CLYBL: variants seen among roughly 807,000 people sequenced by gnomAD.
CLYBL encodes citramalyl-CoA lyase, also known as citramalyl-CoA lyase, mitochondrial.
A neutral mutation model predicts 38.9 loss-of-function variants in CLYBL; 31 were observed. The observed-to-expected ratio is 0.80, with a 90% CI of 0.60 to 1.08. The LOEUF is 1.08. Among genes scored for constraint, CLYBL ranks in the 50% least tolerant of loss-of-function variants. The pLI is 0.00. For synonymous variants in CLYBL, 171 were observed against 158.6 expected, an observed-to-expected ratio of 1.08 and a Z score of -0.59; for missense variants, 434 against 411.6, an observed-to-expected ratio of 1.05 and a Z score of -0.47.
chr13:99,866,935 G>A (rs1051155322), intron 6 of CLYBL, among the ~76,000 whole-genome samples: 2 of 152,002 alleles, frequency 1.3e-5, no homozygotes, highest in African/African-American at 2.4e-5. Context: ...TGTACCTGGC[G>A]ACACCTACGG....
intron 1 of CLYBL, among the ~76,000 whole-genome samples, chr13:99,660,752 A>G (rs1398362770): frequency 6.6e-6 from 1 of 152,188 alleles, no homozygotes; most frequent in Non-Finnish European, 1.5e-5. Context: ...TCATGGTTTT[A>G]AAATTTTCCT....
At chr13:99,628,740 GAATCACA>G (rs1327537648) in intron 1 of CLYBL, among the ~76,000 whole-genome samples, 1 of 152,204 alleles carries the variant, frequency 6.6e-6, no homozygotes, top group Non-Finnish European at 1.5e-5. Flanking sequence ...TAGGTTATCA[GAATCACA>G]AATGGGCCTT....
intron 1 of CLYBL, among the ~76,000 whole-genome samples, chr13:99,732,177 T>G (rs1454509478): frequency 6.8e-6 from 1 of 147,866 alleles, no homozygotes; most frequent in Non-Finnish European, 1.5e-5. Context: ...CAGTTTTTTT[T>G]TTTTTTTTTT....
At chr13:99,851,538 A>C (rs1417247785) in intron 2 of CLYBL, among the ~76,000 whole-genome samples, 1 of 152,108 alleles carries the variant, frequency 6.6e-6, no homozygotes, top group Non-Finnish European at 1.5e-5. Context: ...TAGACAGTTC[A>C]CCAAAGTAGA....
At chr13:99,758,659 C>A (rs77489722) in intron 1 of CLYBL, among the ~76,000 whole-genome samples, 2,996 of 152,296 alleles carry the variant, frequency 0.02, 58 homozygotes, top group South Asian at 0.068. Flanking sequence ...ACGGTGACTG[C>A]CGTGACTGGG....
chr13:99,681,349 T>C (rs1202994382), intron 1 of CLYBL, among the ~76,000 whole-genome samples: 2 of 152,288 alleles, frequency 1.3e-5, no homozygotes, highest in Admixed American at 1.3e-4. Context: ...GCACAATGAA[T>C]ATAACTTACA....
At chr13:99,620,239 A>G (rs911731188) in intron 1 of CLYBL, among the ~76,000 whole-genome samples, 1 of 152,240 alleles carries the variant, frequency 6.6e-6, no homozygotes, top group Non-Finnish European at 1.5e-5. Flanking sequence ...ATTTTGACTC[A>G]GAAGTGGATA....
intron 7 of CLYBL, among the ~76,000 whole-genome samples, chr13:99,882,390 C>A (rs942603422): frequency 1.3e-5 from 2 of 152,122 alleles, no homozygotes; most frequent in African/African-American, 4.8e-5. Flanking sequence ...CGCGGTGGCT[C>A]ACAGCTATAA....
chr13:99,811,039 CACA>C (rs2050331577), intron 2 of CLYBL, among the ~76,000 whole-genome samples: 1 of 152,188 alleles, frequency 6.6e-6, no homozygotes, highest in Non-Finnish European at 1.5e-5. Flanking sequence ...ACCTCTTCCA[CACA>C]CACAGTGGAC....
At chr13:99,805,447 G>A (rs1160638593) in intron 2 of CLYBL, among the ~76,000 whole-genome samples, 1 of 151,978 alleles carries the variant, frequency 6.6e-6, no homozygotes, top group Non-Finnish European at 1.5e-5. Context: ...CTGAGCCCTG[G>A]AAGTCACGGA....
chr13:99,854,086 A>T (rs1213443487), intron 2 of CLYBL, among the ~76,000 whole-genome samples: 1 of 152,178 alleles, frequency 6.6e-6, no homozygotes, highest in Admixed American at 6.5e-5. Context: ...CTTTTCTTTC[A>T]TCACAAATGT....
intron 1 of CLYBL, among the ~76,000 whole-genome samples, chr13:99,713,755 C>T (rs1313741120): frequency 1.3e-5 from 2 of 152,074 alleles, no homozygotes; most frequent in South Asian, 4.1e-4. Flanking sequence ...GCAATCATGG[C>T]TCATTGCAGC....
At chr13:99,872,362 A>G (rs2051927569) in intron 7 of CLYBL, among the ~76,000 whole-genome samples, 1 of 152,216 alleles carries the variant, frequency 6.6e-6, no homozygotes, top group Non-Finnish European at 1.5e-5. Context: ...TCATAGAAAC[A>G]ATATTTTAAG....
At chr13:99,784,449 C>CTCTTGTTTTTTTTTT (rs71121010) in intron 2 of CLYBL, among the ~76,000 whole-genome samples, 14 of 52,098 alleles carry the variant, frequency 2.7e-4, no homozygotes, top group Admixed American at 5.5e-4. Flanking sequence ...AAAATTCTCT[C>CTCTTGTTTTTTTTTT]TTTTTTTTTT....
intron 2 of CLYBL, among the ~76,000 whole-genome samples, chr13:99,858,643 GGCTATGTTATA>G (rs2051518570): frequency 6.6e-6 from 1 of 152,160 alleles, no homozygotes; most frequent in Non-Finnish European, 1.5e-5. Flanking sequence ...GGTGCGTCTC[GGCTATGTTATA>G]GCTATCGCGA....
intron 7 of CLYBL, chr13:99,885,148 T>C: frequency 1.9e-6 from 1 of 517,764 alleles, no homozygotes; most frequent in South Asian, 1.5e-5. Context: ...CTCACAGTGT[T>C]GTGAAAGACA....
intron 2 of CLYBL, among the ~76,000 whole-genome samples, chr13:99,836,926 T>C (rs2050950445): frequency 6.6e-6 from 1 of 151,916 alleles, no homozygotes; most frequent in African/African-American, 2.4e-5. Flanking sequence ...CATTAGGAGA[T>C]ACACCTAATG....
intron 2 of CLYBL, among the ~76,000 whole-genome samples, chr13:99,829,720 G>C (rs950767472): frequency 6.6e-6 from 1 of 152,152 alleles, no homozygotes; most frequent in Non-Finnish European, 1.5e-5. Context: ...TTTCCTCTAA[G>C]GGTACAGTGA....
rs928602960 is a variant in CLYBL, at chr13:99,865,703, C to T, written c.635-537C>T. On this transcript the variant is annotated intron_variant, in intron 5 of 8. Transcript: ENST00000339105. The surrounding 1 kb of genome is among the most constrained non-coding windows in gnomAD (Gnocchi z 4.7). ...GTTCAGCGGGCTACAGAAGGCATAT[C>T]GATGCTTTCCAGCCCTCTCAAAACA... Among the ~76,000 whole-genome samples the T allele has an allele frequency of 4.6e-5, 7 of 152,226 alleles. No individual in the cohort carries two copies. The highest frequency in any genetic ancestry group is 3.3e-4 in the Admixed American group (5 of 15,278).
Sources: allele counts gnomAD v4.1 joint callset (sites outside exome capture counted in the v4.1 genomes callset), GRCh38; gene constraint gnomAD v4.1.1; non-coding constraint Gnocchi (gnomAD v3.1); transcripts MANE v1.5; gene names NCBI Gene and HGNC (gene_info 2026-07-23, HGNC 2026-07-21).